The following SORCS1 variants were observed in gnomAD, a reference collection of about 807,000 sequenced individuals.
SORCS1 encodes sortilin related VPS10 domain containing receptor 1, also known as VPS10 domain-containing receptor SorCS1.
SORCS1 carries 60 observed loss-of-function variants against 146.1 expected under a neutral mutation model. That is an observed-to-expected ratio of 0.41 (90% confidence interval 0.33 to 0.51). The LOEUF (loss-of-function observed/expected upper bound fraction) is 0.51. SORCS1 is among the 20% of genes least tolerant of loss of function. The pLI is 0.21. For missense variants in SORCS1, 1,352 were observed against 1,487.6 expected, an observed-to-expected ratio of 0.91 and a Z score of 1.50; for synonymous variants, 637 against 584.0, an observed-to-expected ratio of 1.09 and a Z score of -1.31.
intron 1 of SORCS1, among the ~76,000 whole-genome samples, chr10:106,966,937 T>A (rs1955522421): frequency 6.6e-6 from 1 of 152,198 alleles, no homozygotes; most frequent in Admixed American, 6.5e-5. Context: ...ATAATAAGGT[T>A]AAACCAAACT....
At chr10:106,874,226 A>G (rs936391123) in intron 2 of SORCS1, among the ~76,000 whole-genome samples, 1 of 152,190 alleles carries the variant, frequency 6.6e-6, no homozygotes, top group Non-Finnish European at 1.5e-5. Flanking sequence ...GCATTCTGGG[A>G]TGATTTCGGT....
At chr10:107,029,447 A>G (rs1207779648) in intron 1 of SORCS1, among the ~76,000 whole-genome samples, 5 of 152,158 alleles carry the variant, frequency 3.3e-5, no homozygotes, top group Non-Finnish European at 5.9e-5. Flanking sequence ...TGCAAATATC[A>G]GTCTTGGTAT....
At chr10:106,696,257 TA>T (rs1224594142) in intron 9 of SORCS1, among the ~76,000 whole-genome samples, 1 of 152,248 alleles carries the variant, frequency 6.6e-6, no homozygotes, top group Non-Finnish European at 1.5e-5. Context: ...TGCTCCTTAG[TA>T]ATTCATTTAT....
At chr10:106,999,472 G>C (rs977010666) in intron 1 of SORCS1, among the ~76,000 whole-genome samples, 1 of 152,206 alleles carries the variant, frequency 6.6e-6, no homozygotes, top group African/African-American at 2.4e-5. Flanking sequence ...ACCATTTATA[G>C]CACCATTTGT....
At chr10:106,920,702 G>T (rs1168192561) in intron 2 of SORCS1, among the ~76,000 whole-genome samples, 1 of 152,194 alleles carries the variant, frequency 6.6e-6, no homozygotes, top group African/African-American at 2.4e-5. Context: ...TTCTTTTGTG[G>T]CTGGGAGGTT....
chr10:106,679,035 T>C (rs1421456762), intron 12 of SORCS1, among the ~76,000 whole-genome samples: 2 of 152,206 alleles, frequency 1.3e-5, no homozygotes, highest in Admixed American at 6.6e-5. Flanking sequence ...ATACAAGCTC[T>C]GAGTAAGGAA....
intron 18 of SORCS1, among the ~76,000 whole-genome samples, chr10:106,640,924 G>A (rs577436029): frequency 6.6e-6 from 1 of 152,234 alleles, no homozygotes; most frequent in African/African-American, 2.4e-5. Flanking sequence ...GTTGGTTCTT[G>A]GATTAATTGT....
intron 1 of SORCS1, among the ~76,000 whole-genome samples, chr10:107,155,867 A>G (rs1969241208): frequency 6.6e-6 from 1 of 152,136 alleles, no homozygotes; most frequent in African/African-American, 2.4e-5. Flanking sequence ...TCTTATTAGC[A>G]CTTTCTTTAA....
At chr10:106,707,383 G>C (rs898064922) in intron 7 of SORCS1, among the ~76,000 whole-genome samples, 2 of 151,752 alleles carry the variant, frequency 1.3e-5, no homozygotes, top group African/African-American at 2.4e-5. Context: ...TAGAGATGGT[G>C]GGGGGGAGGG....
chr10:107,004,106 G>A (rs1957335000), intron 1 of SORCS1, among the ~76,000 whole-genome samples: 1 of 150,642 alleles, frequency 6.6e-6, no homozygotes, highest in Admixed American at 6.6e-5. Context: ...AACCCGGGAG[G>A]CGGAGCTGGC....
At chr10:107,003,586 C>T (rs1160436046) in intron 1 of SORCS1, among the ~76,000 whole-genome samples, 1 of 152,006 alleles carries the variant, frequency 6.6e-6, no homozygotes, top group Admixed American at 6.6e-5. Context: ...GTGTCTATTT[C>T]AGATCTAAAA....
At chr10:107,026,797 T>C (rs939541726) in intron 1 of SORCS1, among the ~76,000 whole-genome samples, 17 of 152,054 alleles carry the variant, frequency 1.1e-4, no homozygotes, top group African/African-American at 3.9e-4. Context: ...AATTACAAGA[T>C]AATTGACATG....
At chr10:106,892,869 GA>G (rs1409003928) in intron 2 of SORCS1, among the ~76,000 whole-genome samples, 1 of 143,050 alleles carries the variant, frequency 7.0e-6, no homozygotes, top group Admixed American at 7.0e-5. Context: ...TAAAATCACA[GA>G]AAAAAAAGAG....
intron 3 of SORCS1, among the ~76,000 whole-genome samples, chr10:106,812,152 C>A (rs1589450155): frequency 6.6e-6 from 1 of 152,278 alleles, no homozygotes; most frequent in Admixed American, 6.5e-5. Flanking sequence ...AGGCGCCCGC[C>A]ACTGCATCCT....
chr10:106,904,495 G>A (rs2138121450), intron 2 of SORCS1, among the ~76,000 whole-genome samples: 1 of 152,302 alleles, frequency 6.6e-6, no homozygotes. Flanking sequence ...AGCTCTGGGT[G>A]TGTGAGGATT....
intron 6 of SORCS1, 129 bp downstream of exon 6, chr10:106,729,921 C>A: frequency 8.7e-7 from 1 of 1,153,636 alleles, no homozygotes; most frequent in Non-Finnish European, 1.3e-6. Context: ...CCTGCAACCC[C>A]AAATCCTCAG....
intron 2 of SORCS1, among the ~76,000 whole-genome samples, chr10:106,832,982 A>G (rs1211108906): frequency 6.6e-6 from 1 of 152,176 alleles, no homozygotes; most frequent in Non-Finnish European, 1.5e-5. Flanking sequence ...GCTACATACA[A>G]TCATCCTTAT....
intron 2 of SORCS1, among the ~76,000 whole-genome samples, chr10:106,831,379 T>A (rs546796491): frequency 2.4e-4 from 37 of 152,310 alleles, no homozygotes; most frequent in African/African-American, 8.4e-4. Context: ...GCACACAGCC[T>A]CTACTCTCAA....
At chr10:106,827,313 A>G (rs78075393) in intron 3 of SORCS1, among the ~76,000 whole-genome samples, 2 of 147,492 alleles carry the variant, frequency 1.4e-5, no homozygotes, top group African/African-American at 5.0e-5. Context: ...CCATTTTCCT[A>G]TATTAGTTTA....
Sources: gnomAD v4.1 joint callset for allele counts (sites outside exome capture counted in the v4.1 genomes callset) on GRCh38, gnomAD v4.1.1 for gene constraint, MANE v1.5 for transcripts, NCBI Gene and HGNC (gene_info 2026-07-23, HGNC 2026-07-21) for gene names.